The following CDKN1C variants were observed in gnomAD, a reference collection of about 807,000 sequenced individuals.
CDKN1C encodes the protein cyclin-dependent kinase inhibitor 1C.
In CDKN1C, 7 loss-of-function variants were observed where a neutral mutation model predicts 16.5. The ratio of observed to expected loss-of-function variants is 0.42; its 90% CI spans 0.24 to 0.80. The LOEUF is 0.80. Among genes scored for constraint, CDKN1C ranks in the 30% least tolerant of loss-of-function variants. CDKN1C has a pLI of 0.26. For synonymous variants in CDKN1C, 288 were observed against 214.4 expected (o/e 1.34, Z -3.00); for missense variants, 429 against 437.3 (o/e 0.98, Z 0.17).
At position 2,885,022 on chromosome 11, in the gene CDKN1C, T is replaced by C. The variant is rs1381073956; in HGVS notation, c.435A>G (p.Pro145=). ...CCGGAGCCGGAGCCGGGGCCGGGGC[T>C]GGAGCCAGGACCGGGACTGGGGGCG... The part of the protein sequence containing the change: ...STPPPVPVLA[P]APAPAPAPVA... Residue 145 remains proline, a synonymous_variant, in exon 2 of 4, where the codon CCA becomes CCG. Coordinates refer to ENST00000440480, the MANE Select transcript of CDKN1C (RefSeq NM_001122630.2). The C allele has an allele frequency of 7.2e-6, 9 of 1,246,076 alleles. No homozygotes were observed. Among genetic ancestry groups the C allele is most frequent in the Non-Finnish European group, 8.1e-6 (8 of 989,128 alleles). 77.2% of individuals were successfully genotyped at this position (1,246,076 alleles called of 1,614,324 possible). A position where few individuals can be genotyped will look rare whatever the true frequency, so the allele number is the denominator to read the frequency against.
chr11:2,884,224 C>CG, intron 2 of CDKN1C, 90 bp from the exon 3 acceptor site: 3 of 1,056,174 alleles, frequency 2.8e-6, no homozygotes, highest in African/African-American at 3.4e-5. Context: ...CGCGGGCCGG[C>CG]CGGGGTGGGG....
At position 2,884,807 on chromosome 11, in the gene CDKN1C, G is replaced by C; in HGVS notation, c.650C>G (p.Ala217Gly). 1 of 1,446,432 alleles carries C rather than the reference G, an allele frequency of 6.9e-7. No individual in the cohort carries two copies. Among genetic ancestry groups the C allele is most frequent in the Non-Finnish European group, 9.1e-7 (1 of 1,096,106 alleles). 89.6% of individuals were successfully genotyped at this position (1,446,432 alleles called of 1,614,324 possible). A position where few individuals can be genotyped will look rare whatever the true frequency, so the allele number is the denominator to read the frequency against. ...CTCCTGGCCGCGCTGCCCCTGGTTCGCGCCCTGCTCGGCGCTCTCTTGAGG... is the reference window on the plus strand; with the variant it reads ...CTCCTGGCCGCGCTGCCCCTGGTTCCCGCCCTGCTCGGCGCTCTCTTGAGG... ...AAPQESAEQGANQGQRGQEPL... is the reference protein window; with the variant it reads ...AAPQESAEQGGNQGQRGQEPL... The change falls in exon 2 of 4, where the codon GCG becomes GGG. Residue 217 changes from alanine (A) to glycine (G), a missense_variant. By Grantham distance (60) the Ala-to-Gly change is moderately conservative. Transcript: ENST00000440480.
chr11:2,884,923 A>T lies in CDKN1C; in HGVS notation c.534T>A (p.Ala178=). 2 of 808,470 alleles carry T rather than the reference A, an allele frequency of 2.5e-6. No individual in the cohort carries two copies. The highest frequency in any genetic ancestry group is 3.0e-6 in the Non-Finnish European group (2 of 663,154). 50.1% of individuals were successfully genotyped at this position (808,470 alleles called of 1,614,324 possible). ...GGGCCGCGACTGGAGCCGGGGCCGG[A>T]GCCGGAGCCGGAGCCGGGGCCGGGG... ...APAPAPAPAP[A]PAPAPVAAPA... The change falls in exon 2 of 4, where the codon GCT becomes GCA. Residue 178 remains alanine, a synonymous_variant. Coordinates refer to ENST00000440480, the MANE Select transcript of CDKN1C (RefSeq NM_001122630.2).
chr11:2,884,508 G>A (rs999313274), intron 2 of CDKN1C, 162 bp downstream of exon 2: 3 of 371,132 alleles, frequency 8.1e-6, no homozygotes, highest in Non-Finnish European at 1.4e-5. Context: ...CAACAACGGG[G>A]CGGGGAGGGG....
In CDKN1C at chr11:2,884,696, T is replaced by C. The variant is rs1848916589; in HGVS notation, c.761A>G (p.Lys254Arg). Residue 254 changes from lysine to arginine, a missense_variant, in exon 2 of 4, where the codon AAG (lysine) becomes AGG (arginine). Lys to Arg is a conservative substitution (Grantham distance 26). Transcript: ENST00000440480. ...GGAGATCAGAGGCCCGGACAGCTTCTTGATCGCCGCGCCGTTGGCGCTGGC... is the reference window on the plus strand; with the variant it reads ...GGAGATCAGAGGCCCGGACAGCTTCCTGATCGCCGCGCCGTTGGCGCTGGC... ...AAASANGAAI[K>R]KLSGPLISDF... 2.0e-6 allele frequency: 3 copies of C among 1,480,446 alleles called. No individual in the cohort carries two copies. Among genetic ancestry groups the C allele is most frequent in the Non-Finnish European group, 2.7e-6 (3 of 1,118,564 alleles). 91.7% of individuals were successfully genotyped at this position (1,480,446 alleles called of 1,614,324 possible). A position where few individuals can be genotyped will look rare whatever the true frequency, so the allele number is the denominator to read the frequency against.
chr11:2,883,949 G>A (rs1401840763), intron 3 of CDKN1C, 34 bp from the exon 4 acceptor site: 1 of 1,575,778 alleles, frequency 6.3e-7, no homozygotes, highest in Admixed American at 1.8e-5. Context: ...AAAGCCGGCG[G>A]GGACCCGGCG....
intron 2 of CDKN1C, chr11:2,884,391 C>T (rs1449147185): frequency 1.7e-5 from 4 of 230,412 alleles, no homozygotes; most frequent in Non-Finnish European, 2.5e-5. Context: ...GGCGCCCGGC[C>T]GCGCCCGGGG....
intron 2 of CDKN1C, 24 bp downstream of exon 2, chr11:2,884,646 G>GGGCCT (rs1414444925): frequency 1.1e-5 from 13 of 1,222,966 alleles, no homozygotes; most frequent in African/African-American, 1.6e-5. Context: ...GGGCCGGGCC[G>GGGCCT]GGGCGGGGCC....
chr11:2,884,654 G>A lies in CDKN1C; in HGVS notation c.787+16C>T, dbSNP rs1848913867. On this transcript the variant is annotated intron_variant, in intron 2 of 3. Transcript: ENST00000440480. ...CGGGGCCGGGCCGGGCCGGGGCGGG[G>A]CCGTGCGGGGCTCACCGGAGATCAG... is the stretch of plus-strand genomic sequence containing the variant. The A allele has an allele frequency of 1.6e-6, 2 of 1,285,064 alleles. No individual in the cohort carries two copies. The highest frequency in any genetic ancestry group is 4.4e-5 in the South Asian group (2 of 45,566). The allele number at this position is 1,285,064 out of a possible 1,614,324, so 79.6% of individuals were successfully genotyped here. A position where few individuals can be genotyped will look rare whatever the true frequency, so the allele number is the denominator to read the frequency against.
Position 2,883,599 on chromosome 11 carries a change from G to GT in CDKN1C, c.*321dup, listed in dbSNP as rs1041163007. On this transcript the variant is annotated 3_prime_UTR_variant, in exon 4 of 4. Transcript: ENST00000440480. ...AAAACTTTTTGTACAAATATACATG[G>GT]TTTTTTTATTTTTTCCTTTTTTTTT... The GT allele has an allele frequency of 3.5e-5, 19 of 538,900 alleles. No homozygotes were observed. Among genetic ancestry groups the GT allele is most frequent in the African/African-American group, 2.4e-4 (12 of 50,422 alleles). 33.4% of individuals were successfully genotyped at this position (538,900 alleles called of 1,614,324 possible). A position where few individuals can be genotyped will look rare whatever the true frequency, so the allele number is the denominator to read the frequency against.
Position 2,884,813 on chromosome 11 carries a change from T to A in CDKN1C, c.644A>T (p.Gln215Leu). ...GCCGCGCTGCCCCTGGTTCGCGCCC[T>A]GCTCGGCGCTCTCTTGAGGCGCCGC... ...PDAAPQESAE[Q>L]GANQGQRGQE... Residue 215 changes from glutamine to leucine, a missense_variant, in exon 2 of 4, where the codon CAG becomes CTG. Transcript: ENST00000440480. 7.2e-7 allele frequency: 1 copy of A among 1,380,436 alleles called. No homozygotes were observed. Among genetic ancestry groups the A allele is most frequent in the Non-Finnish European group, 9.4e-7 (1 of 1,059,084 alleles). The allele number at this position is 1,380,436 out of a possible 1,614,324, so 85.5% of individuals were successfully genotyped here.
At position 2,884,964 on chromosome 11, in the gene CDKN1C, C is replaced by G. The variant is rs1312921087; in HGVS notation, c.493G>C (p.Ala165Pro). 3.6e-5 allele frequency: 37 copies of G among 1,020,974 alleles called. No homozygotes were observed. Among genetic ancestry groups the G allele is most frequent in the Middle Eastern group, 7.5e-4 (2 of 2,666 alleles). The allele number at this position is 1,020,974 out of a possible 1,614,324, so 63.2% of individuals were successfully genotyped here. Residue 165 changes from alanine (A) to proline (P), a missense_variant, in exon 2 of 4, where the codon GCG (alanine) becomes CCG (proline). Ala to Pro is a conservative substitution (Grantham distance 27, BLOSUM62 -1). Transcript: ENST00000440480. Reference sequence around the variant, plus strand: ...GGGGCCGGGGCCGGGGCCAGGACCGCGACCGCGACCGGAGCCGCGACCGGA... The same window carrying G: ...GGGGCCGGGGCCGGGGCCAGGACCGGGACCGCGACCGGAGCCGCGACCGGA... ...AAPVAAPVAV[A>P]VLAPAPAPAP...
Position 2,885,319 on chromosome 11 carries a change from G to A in CDKN1C, c.138C>T (p.Asp46=), listed in dbSNP as rs777465972. Residue 46 remains aspartate (D), a synonymous_variant, in exon 2 of 4, where the codon GAC becomes GAT. Transcript: ENST00000440480. The stretch of plus-strand genomic sequence containing the variant: ...GGAAGTCGTAATCCCAGCGGTTCTG[G>A]TCCTCGGCGTTCAGCTCGGCCAGGC... ...QARLAELNAE[D]QNRWDYDFQQ... 102 of 1,599,730 alleles carry A rather than the reference G, an allele frequency of 6.4e-5. No homozygotes were observed. Among genetic ancestry groups the A allele is most frequent in the Non-Finnish European group, 7.6e-5 (89 of 1,174,814 alleles).
chr11:2,883,625 T>C lies in CDKN1C; in HGVS notation c.*296A>G. On this transcript the variant is annotated 3_prime_UTR_variant, in exon 4 of 4. Transcript: ENST00000440480. ...TTTTTTTATTTTTTCCTTTTTTTTT[T>C]CTTTTTTCTTTTTTTTGCACTGAGT... The C allele has an allele frequency of 3.3e-6, 2 of 597,250 alleles. No homozygotes were observed. Among genetic ancestry groups the C allele is most frequent in the Non-Finnish European group, 5.0e-6 (2 of 396,894 alleles). The allele number at this position is 597,250 out of a possible 1,614,324, so 37.0% of individuals were successfully genotyped here. A position where few individuals can be genotyped will look rare whatever the true frequency, so the allele number is the denominator to read the frequency against.
At chr11:2,884,566 C>A in intron 2 of CDKN1C, 104 bp downstream of exon 2, 1 of 610,796 alleles carries the variant, frequency 1.6e-6, no homozygotes, top group Non-Finnish European at 2.3e-6. Flanking sequence ...TTTAATGCCA[C>A]GGGAGGAGGC....
At chr11:2,884,456 A>C in intron 2 of CDKN1C, 8 of 291,226 alleles carry the variant, frequency 2.7e-5, no homozygotes, top group Non-Finnish European at 3.1e-5. Context: ...CGCGGCCGGG[A>C]TTCAGCCTCC....
In CDKN1C at chr11:2,884,860, GGGGGCCGGGGCCGGGGCC is replaced by G. The variant is rs759134767; in HGVS notation, c.579_596del (p.Ala200_Pro205del). On this transcript the variant is annotated inframe_deletion, in exon 2 of 4. Coordinates refer to ENST00000440480, the MANE Select transcript of CDKN1C (RefSeq NM_001122630.2). ...CCGCGTCCGGGGCCGGGGCCGGGGC[GGGGGCCGGGGCCGGGGCC>G]GGGGCCGGGGCTGGGGCCGGGGCCG... is the stretch of plus-strand genomic sequence containing the variant. 75 of 1,022,800 alleles carry G rather than the reference GGGGGCCGGGGCCGGGGCC, an allele frequency of 7.3e-5. No individual in the cohort carries two copies. The highest frequency in any genetic ancestry group is 1.6e-4 in the Admixed American group (3 of 18,662). The allele number at this position is 1,022,800 out of a possible 1,614,324, so 63.4% of individuals were successfully genotyped here.
Position 2,885,243 on chromosome 11 carries a change from C to T in CDKN1C, c.214G>A (p.Asp72Asn). The T allele has an allele frequency of 6.4e-7, 1 of 1,558,582 alleles. No individual in the cohort carries two copies. ...TAGAACGCGGGCACCGAGTCGCTGTCCACTTCGGTCCACTGCAGGCGTCCA... is the reference window on the plus strand; with the variant it reads ...TAGAACGCGGGCACCGAGTCGCTGTTCACTTCGGTCCACTGCAGGCGTCCA... ...GPGRLQWTEV[D>N]SDSVPAFYRE... Residue 72 changes from aspartate (D) to asparagine (N), a missense_variant, in exon 2 of 4, where the codon GAC becomes AAC. Coordinates refer to ENST00000440480, the MANE Select transcript of CDKN1C (RefSeq NM_001122630.2).
chr11:2,885,554 G>C, intron 1 of CDKN1C, 80 bp downstream of exon 1: 1 of 1,526,832 alleles, frequency 6.5e-7, no homozygotes, highest in Non-Finnish European at 8.8e-7. Flanking sequence ...GGGGAAAGGA[G>C]AGGAGGAGAG....
Sources: gnomAD v4.1 joint callset for allele counts on GRCh38, gnomAD v4.1.1 for gene constraint, MANE v1.5 for transcripts, NCBI Gene and HGNC (gene_info 2026-07-23, HGNC 2026-07-21) for gene names.